ZNF37A: variants seen among roughly 807,000 people sequenced by gnomAD.
ZNF37A encodes the protein zinc finger protein 37A, also known as zinc finger protein 37a (KOX 21).
In ZNF37A, 10 loss-of-function variants were observed where a neutral mutation model predicts 12.3. That is an observed-to-expected ratio of 0.82 (90% confidence interval 0.50 to 1.38). ZNF37A has a LOEUF of 1.38. Ranked by LOEUF, ZNF37A falls within the 40% of genes most tolerant of loss-of-function variation. The pLI, the probability that ZNF37A is intolerant of heterozygous loss-of-function variation, is 0.00. For missense variants in ZNF37A, 580 were observed against 651.2 expected (o/e 0.89, Z 1.19); for synonymous variants, 207 against 223.0 (o/e 0.93, Z 0.64).
chr10:38,106,554 C>G (rs2068110049), intron 5 of ZNF37A, among the ~76,000 whole-genome samples: 1 of 152,044 alleles, frequency 6.6e-6, no homozygotes, highest in Admixed American at 6.6e-5. Context: ...ATAACTAACT[C>G]CTCCAAGTTA....
chr10:38,117,143 A>C (rs970595886), intron 7 of ZNF37A: 9 of 983,534 alleles, frequency 9.2e-6, no homozygotes, highest in Non-Finnish European at 1.1e-5. Context: ...AACAACAACC[A>C]AGAACAACAA....
exon 8 of ZNF37A, chr10:38,146,808 C>T (rs574101709): frequency 1.8e-5 from 7 of 398,408 alleles, no homozygotes; most frequent in African/African-American, 2.1e-5. Context: ...AGACTCCAAC[C>T]GAGCGGCACT....
In ZNF37A at chr10:38,112,764, T is replaced by TG. The variant is rs1170922366; in HGVS notation, c.16-1991_16-1990insG. ...TCTTTTCTTTTCTTTTCTTTTCTTT[T>TG]CTTTTCTTTTCTTTTCTTTTCTTTT... On this transcript the variant is annotated intron_variant, in intron 5 of 7. Transcript: ENST00000685332. Among the ~76,000 whole-genome samples, 28 of 133,014 alleles carry TG rather than the reference T, an allele frequency of 2.1e-4. 3 individuals are homozygous for TG. The highest frequency in any genetic ancestry group is 8.0e-4 in the African/African-American group (27 of 33,830). The allele number at this position is 133,014 out of a possible 152,430, so 87.3% of individuals were successfully genotyped here.
At chr10:38,125,212 A>G (rs1488939853), downstream of ZNF37A, 1 of 152,230 alleles carries the variant, frequency 6.6e-6, no homozygotes, top group Non-Finnish European at 1.5e-5. Context: ...GATAAATTAG[A>G]TTTTGTTAAA....
intron 7 of ZNF37A, 107 bp from the exon 8 acceptor site, chr10:38,117,283 A>G: frequency 6.7e-7 from 1 of 1,489,556 alleles, no homozygotes. Flanking sequence ...TAACATAGGT[A>G]TGAGGAGATA....
intron 7 of ZNF37A, among the ~76,000 whole-genome samples, chr10:38,133,603 A>T (rs2070064434): frequency 6.6e-6 from 1 of 151,914 alleles, no homozygotes; most frequent in Non-Finnish European, 1.5e-5. Flanking sequence ...GCTCAGAATG[A>T]TGGTTTCCAC....
chr10:38,107,404 C>T (rs1333693265), intron 5 of ZNF37A, among the ~76,000 whole-genome samples: 1 of 152,122 alleles, frequency 6.6e-6, no homozygotes, highest in Non-Finnish European at 1.5e-5. Flanking sequence ...CAACAACATA[C>T]CAAATTGTAA....
chr10:38,119,555 TA>T lies in ZNF37A; in HGVS notation c.*719del, dbSNP rs2069569909. ...CAGAGGTGTTGAGTTGCAGGATATC[TA>T]GCAATTTAAGAAAATGTGGAAAAAA... On this transcript the variant is annotated 3_prime_UTR_variant, in exon 8 of 8. Transcript: ENST00000685332. 1.0e-5 allele frequency: 3 copies of T among 285,990 alleles called. No individual in the cohort carries two copies. Among genetic ancestry groups the T allele is most frequent in the Non-Finnish European group, 1.6e-5 (3 of 190,610 alleles). 17.7% of individuals were successfully genotyped at this position (285,990 alleles called of 1,614,324 possible).
chr10:38,148,753 A>G (rs2136089560), exon 8 of ZNF37A: 1 of 152,292 alleles, frequency 6.6e-6, no homozygotes, highest in Non-Finnish European at 1.5e-5. Context: ...TGAGAAATCT[A>G]CAGGGCTTCA....
chr10:38,116,698 G>T (rs2069296237), intron 7 of ZNF37A, among the ~76,000 whole-genome samples: 1 of 152,142 alleles, frequency 6.6e-6, no homozygotes, highest in Admixed American at 6.5e-5. Context: ...TGAAATAAAG[G>T]GCAAATCCCA....
At chr10:38,103,633 C>T (rs1360812547) in intron 5 of ZNF37A, among the ~76,000 whole-genome samples, 4 of 152,248 alleles carry the variant, frequency 2.6e-5, no homozygotes, top group South Asian at 4.1e-4. Context: ...GAAAACTGAA[C>T]ATTTTGAATA....
downstream of ZNF37A, among the ~76,000 whole-genome samples, chr10:38,129,391 A>G (rs915509257): frequency 2.7e-5 from 4 of 150,896 alleles, no homozygotes; most frequent in African/African-American, 9.7e-5. Context: ...TTTATAGGTA[A>G]ATTGTGTGTT....
At position 38,118,151 on chromosome 10, in the gene ZNF37A, A is replaced by G; in HGVS notation, c.1000A>G (p.Lys334Glu). 2.5e-6 allele frequency: 4 copies of G among 1,614,018 alleles called. No individual in the cohort carries two copies. The highest frequency in any genetic ancestry group is 3.4e-6 in the Non-Finnish European group (4 of 1,179,922). ...ERPYGCHECG[K>E]SFSEKSTLTQ... ...ACCTTATGGATGTCATGAATGTGGG[A>G]AATCCTTCAGTGAAAAGTCAACCCT... Residue 334 changes from lysine to glutamate, a missense_variant, in exon 8 of 8, where the codon AAA becomes GAA. Coordinates refer to ENST00000685332, the MANE Select transcript of ZNF37A (RefSeq NM_001324250.3).
rs1312075944 is a variant in ZNF37A, at chr10:38,123,780, A to G, written c.*4943A>G. The G allele has an allele frequency of 2.6e-5, 4 of 152,218 alleles. No individual in the cohort carries two copies. The highest frequency in any genetic ancestry group is 2.0e-4 in the Admixed American group (3 of 15,280). 9.4% of individuals were successfully genotyped at this position (152,218 alleles called of 1,614,324 possible). On this transcript the variant is annotated 3_prime_UTR_variant, in exon 8 of 8. Transcript: ENST00000685332. ...CATTAGAGAAATGCAAATCAAAACT[A>G]CAATAAGATATCATCTCACCCCAGT... is the stretch of plus-strand genomic sequence containing the variant.
chr10:38,147,577 T>A (rs1201108926), exon 8 of ZNF37A: 1 of 152,208 alleles, frequency 6.6e-6, no homozygotes, highest in Non-Finnish European at 1.5e-5. Context: ...TCTTTCTAAT[T>A]TTGCAACATT....
At chr10:38,135,560 A>T (rs1052572543) in intron 7 of ZNF37A, among the ~76,000 whole-genome samples, 1 of 152,248 alleles carries the variant, frequency 6.6e-6, no homozygotes, top group African/African-American at 2.4e-5. Context: ...CAAAATCAGA[A>T]AACAAAATTA....
downstream of ZNF37A, among the ~76,000 whole-genome samples, chr10:38,126,042 C>T (rs2069920589): frequency 6.6e-6 from 1 of 152,160 alleles, no homozygotes; most frequent in Admixed American, 6.6e-5. Flanking sequence ...GTTCCATCCC[C>T]ATGATCACCT....
At chr10:38,113,733 C>T (rs1186357628) in intron 5 of ZNF37A, among the ~76,000 whole-genome samples, 1 of 152,222 alleles carries the variant, frequency 6.6e-6, no homozygotes, top group African/African-American at 2.4e-5. Flanking sequence ...TCTAATGCTG[C>T]TCTCCAGCAG....
intron 5 of ZNF37A, among the ~76,000 whole-genome samples, chr10:38,099,841 C>T (rs183654914): frequency 2.0e-5 from 3 of 152,182 alleles, no homozygotes; most frequent in East Asian, 1.9e-4. Context: ...AATTTTTCAT[C>T]GTGGTTTTGA....
Sources: gnomAD v4.1 joint callset for allele counts (sites outside exome capture counted in the v4.1 genomes callset) on GRCh38, gnomAD v4.1.1 for gene constraint, MANE v1.5 for transcripts, NCBI Gene and HGNC (gene_info 2026-07-23, HGNC 2026-07-21) for gene names.